BCL6: variants seen among roughly 807,000 people sequenced by gnomAD.
The protein encoded by BCL6 is B-cell lymphoma 6 protein.
In BCL6, 7 loss-of-function variants were observed where a neutral mutation model predicts 59.5. The observed-to-expected ratio is 0.12, with a 90% CI of 0.07 to 0.22. The LOEUF is 0.22. Among genes scored for constraint, BCL6 ranks in the 10% least tolerant of loss-of-function variants. The pLI, the probability that BCL6 is intolerant of heterozygous loss-of-function variation, is 1.00. For missense variants in BCL6, 685 were observed against 939.4 expected, an observed-to-expected ratio of 0.73 and a Z score of 3.54; for synonymous variants, 339 against 349.7, an observed-to-expected ratio of 0.97 and a Z score of 0.34.
At position 187,728,483 on chromosome 3, in the gene BCL6, G is replaced by C. The variant is rs752840713; in HGVS notation, c.1417C>G (p.Pro473Ala). Residue 473 changes from proline (P) to alanine (A), a missense_variant, in exon 6 of 10, where the codon CCG becomes GCG. Transcript: ENST00000406870. ...ESHSPLYMHPPKCTSCGSQSP... is the reference protein window; with the variant it reads ...ESHSPLYMHPAKCTSCGSQSP... ...TGAGAGCCGCAGGACGTGCACTTCG[G>C]GGGGTGCATGTAGAGTGGTGAGTGG... The C allele has an allele frequency of 5.6e-6, 9 of 1,611,910 alleles. No individual in the cohort carries two copies. Among genetic ancestry groups the C allele is most frequent in the African/African-American group, 5.3e-5 (4 of 74,776 alleles).
rs763136543 is a variant in BCL6 at position 187,726,685 on chromosome 3, C to G, written c.1708+46G>C. The G allele has an allele frequency of 1.6e-5, 26 of 1,599,778 alleles. 2 individuals carry two copies. The Admixed American group carries it at 4.4e-4, about 27-fold the overall frequency. ...TCTCTAGGATCCTCTCCCTGTCCTG[C>G]CCCAATAATTGTGGAGAGTTCGGGT... On this transcript the variant is annotated intron_variant, in intron 7 of 9. Transcript: ENST00000406870.
In BCL6 at chr3:187,729,036, G is replaced by A; in HGVS notation, c.1355+14C>T. On this transcript the variant is annotated intron_variant, in intron 5 of 9. Coordinates refer to ENST00000406870, the MANE Select transcript of BCL6 (RefSeq NM_001706.5). The surrounding 1 kb of genome is among the most constrained non-coding windows in gnomAD (Gnocchi z 5.6). ...TAACCCCTGACCTCAGACCCAGACAGTCTCTGAAATCACCTGTTAACGATG... is the reference window on the plus strand; with the variant it reads ...TAACCCCTGACCTCAGACCCAGACAATCTCTGAAATCACCTGTTAACGATG... 1 of 1,518,092 alleles carries A rather than the reference G, an allele frequency of 6.6e-7. No homozygotes were observed. Among genetic ancestry groups the A allele is most frequent in the Middle Eastern group, 2.3e-4 (1 of 4,378 alleles). 94.0% of individuals were successfully genotyped at this position (1,518,092 alleles called of 1,614,324 possible).
intron 1 of BCL6, among the ~76,000 whole-genome samples, chr3:187,744,622 T>A (rs532551176): frequency 2.6e-5 from 4 of 152,080 alleles, no homozygotes; most frequent in Admixed American, 6.5e-5. Flanking sequence ...CATTTTTTCC[T>A]TCCAAATCTC....
chr3:187,744,600 A>G (rs1711797374), intron 1 of BCL6, among the ~76,000 whole-genome samples: 1 of 152,214 alleles, frequency 6.6e-6, no homozygotes, highest in East Asian at 1.9e-4. Flanking sequence ...AAAAACCCAA[A>G]GAGTTCGCTT....
intron 3 of BCL6, chr3:187,732,418 C>G (rs548089827): frequency 4.9e-6 from 2 of 408,936 alleles, no homozygotes; most frequent in East Asian, 1.5e-4. Flanking sequence ...TACATCTATA[C>G]TCTACTGCTT....
In BCL6 at chr3:187,722,302, A is replaced by ACG; in HGVS notation, c.*155_*156insCG. On this transcript the variant is annotated 3_prime_UTR_variant, in exon 10 of 10. Transcript: ENST00000406870. ...GAGCTGCTGCGGCTCCCAGTCCCCC[A>ACG]GGCCCCGACCCCCACCACCCCCAAC... 5.3e-6 allele frequency: 2 copies of ACG among 376,388 alleles called. No individual in the cohort carries two copies. The highest frequency in any genetic ancestry group is 9.3e-6 in the Non-Finnish European group (2 of 215,576). 23.3% of individuals were successfully genotyped at this position (376,388 alleles called of 1,614,324 possible).
rs1188732746 is a variant in BCL6 at position 187,725,117 on chromosome 3, G to A, written c.1840-39C>T. On this transcript the variant is annotated intron_variant, in intron 8 of 9. Transcript: ENST00000406870. The surrounding 1 kb of genome is among the most constrained non-coding windows in gnomAD (Gnocchi z 4.7). ...AAGGCATGAGAGGTCTTCTGGGGTG[G>A]GCTGCAGGCCTCTGGGCAGCCCCTC... 5 of 1,612,174 alleles carry A rather than the reference G, an allele frequency of 3.1e-6. No individual in the cohort carries two copies. The highest frequency in any genetic ancestry group is 2.7e-5 in the African/African-American group (2 of 74,872).
chr3:187,744,348 C>G (rs572823791), intron 1 of BCL6, among the ~76,000 whole-genome samples: 79 of 152,100 alleles, frequency 5.2e-4, no homozygotes, highest in African/African-American at 1.9e-3. Flanking sequence ...AGCCCTGTCC[C>G]GCCATCAGTC....
chr3:187,744,393 G>T (rs1711774877), intron 1 of BCL6, among the ~76,000 whole-genome samples: 1 of 151,850 alleles, frequency 6.6e-6, no homozygotes, highest in Non-Finnish European at 1.5e-5. Context: ...AGCGCGCGGA[G>T]GTTCCCGACT....
In BCL6 at chr3:187,722,589, T is replaced by C; in HGVS notation, c.1990A>G (p.Asn664Asp). ...GEKPYHCEKCNLHFRHKSQLR... is the reference protein window; with the variant it reads ...GEKPYHCEKCDLHFRHKSQLR... ...TGGCTTTTGTGACGGAAATGCAGGT[T>C]ACACTTCTCACACTGCAGGGATATC... Residue 664 changes from asparagine to aspartate, a missense_variant, in exon 10 of 10, where the codon AAC (asparagine) becomes GAC (aspartate). Asn to Asp is a conservative substitution (Grantham distance 23). Around this residue, in one of 7 missense-constraint regions of BCL6, gnomAD observed 38 missense variants for 97.9 expected, o/e 0.39. Transcript: ENST00000406870. 6.2e-7 allele frequency: 1 copy of C among 1,613,748 alleles called. No homozygotes were observed. The highest frequency in any genetic ancestry group is 8.5e-7 in the Non-Finnish European group (1 of 1,179,844).
chr3:187,731,639 A>G, intron 4 of BCL6, 70 bp downstream of exon 4: 3 of 1,485,810 alleles, frequency 2.0e-6, no homozygotes, highest in Non-Finnish European at 2.8e-6. Context: ...TGTATGCATG[A>G]ATTATCAAAG....
chr3:187,739,520 G>A (rs35239534), intron 1 of BCL6, among the ~76,000 whole-genome samples: 6 of 152,208 alleles, frequency 3.9e-5, no homozygotes, highest in Admixed American at 2.6e-4. Flanking sequence ...TTGGATAACC[G>A]AGGTGTTCGG....
At chr3:187,744,881 A>G (rs577764174) in intron 1 of BCL6, among the ~76,000 whole-genome samples, 4 of 152,234 alleles carry the variant, frequency 2.6e-5, no homozygotes, top group South Asian at 4.1e-4. Flanking sequence ...AGAGATCACA[A>G]GCCGTACGCA....
Position 187,735,582 on chromosome 3 carries a change from A to G in BCL6, c.-49-675T>C, listed in dbSNP as rs375021514. On this transcript the variant is annotated intron_variant, in intron 1 of 9. Transcript: ENST00000406870. ...TTTCAAAGTGTTCTCTCCCTTCCCT[A>G]CTGGGTCTAAGACCAGACAGAATGC... Among the ~76,000 whole-genome samples the G allele has an allele frequency of 3.9e-4, 60 of 152,282 alleles. No homozygotes were observed. The East Asian group carries it at 4.4e-3, about 11-fold the overall frequency.
chr3:187,727,162 A>G (rs542537918), intron 6 of BCL6, among the ~76,000 whole-genome samples: 2 of 152,388 alleles, frequency 1.3e-5, no homozygotes, highest in African/African-American at 4.8e-5. Context: ...ACAGGTGCTC[A>G]GAGGGCCTGC....
Position 187,729,262 on chromosome 3 carries a change from G to A in BCL6, c.1143C>T (p.Ile381=), listed in dbSNP as rs200485602. Residue 381 remains isoleucine, a synonymous_variant, in exon 5 of 10, where the codon ATC becomes ATT. Transcript: ENST00000406870. This position sits in a 1 kb window ranked among gnomAD's most constrained non-coding sequence, Gnocchi z 5.6. ...KACNWKKYKF[I]VLNSLNQNAK... is the part of the protein sequence containing the mutation. The stretch of plus-strand genomic sequence containing the variant: ...CATTCTGGTTGAGGCTGTTGAGCAC[G>A]ATGAACTTGTATTTCTTCCAGTTGC... 257 of 1,614,060 alleles carry A rather than the reference G, an allele frequency of 1.6e-4. No individual in the cohort carries two copies. Among genetic ancestry groups the A allele is most frequent in the Admixed American group, 2.2e-4 (13 of 60,012 alleles).
intron 1 of BCL6, among the ~76,000 whole-genome samples, chr3:187,745,107 C>T (rs1047415787): frequency 6.6e-6 from 1 of 152,230 alleles, no homozygotes; most frequent in Admixed American, 6.5e-5. Context: ...CCGGCCGATT[C>T]ACTCAAAGAC....
chr3:187,736,662 G>A (rs1361316794), intron 1 of BCL6: 2 of 152,184 alleles, frequency 1.3e-5, no homozygotes, highest in Non-Finnish European at 2.9e-5. Context: ...GTAAGCCTCT[G>A]CCTGGCCAAA....
rs1718941526 is a variant in BCL6 at position 187,729,824 on chromosome 3, G to C, written c.581C>G (p.Ser194Cys). Residue 194 changes from serine (S) to cysteine (C), a missense_variant, in exon 5 of 10, where the codon TCT becomes TGT. Around this residue, in one of 7 missense-constraint regions of BCL6, gnomAD observed 268 missense variants for 263.8 expected, o/e 1.02. Transcript: ENST00000406870. The surrounding 1 kb of genome is among the most constrained non-coding windows in gnomAD (Gnocchi z 5.6). ...AGGGAGGTGGCTGTACATGGAATAA[G>C]AGGCTGGCGGTGTGGACAGGCCACT... Reference protein sequence around the residue: ...LYSGLSTPPASYSMYSHLPVS... With the variant: ...LYSGLSTPPACYSMYSHLPVS... The C allele has an allele frequency of 6.2e-7, 1 of 1,614,124 alleles. No homozygotes were observed. The highest frequency in any genetic ancestry group is 8.5e-7 in the Non-Finnish European group (1 of 1,180,028).
Sources: allele counts gnomAD v4.1 joint callset (sites outside exome capture counted in the v4.1 genomes callset), GRCh38; gene constraint gnomAD v4.1.1; regional missense constraint gnomAD v4.1.1; non-coding constraint Gnocchi (gnomAD v3.1); transcripts MANE v1.5; gene names NCBI Gene and HGNC (gene_info 2026-07-23, HGNC 2026-07-21).